CD99L2: variants seen among roughly 807,000 people sequenced by gnomAD.
CD99L2 encodes the protein CD99 antigen-like protein 2.
Under a neutral mutation model 27.3 loss-of-function variants are expected in CD99L2, and 24 were observed. The ratio of observed to expected loss-of-function variants is 0.88; its 90% CI spans 0.64 to 1.24. The LOEUF is 1.24. Ranked by LOEUF, CD99L2 falls within the 50% of genes most tolerant of loss-of-function variation. CD99L2 has a pLI of 0.00. For synonymous variants in CD99L2, 97 were observed against 87.9 expected, an observed-to-expected ratio of 1.10 and a Z score of -0.58; for missense variants, 255 against 221.6, an observed-to-expected ratio of 1.15 and a Z score of -0.96.
At position 150,802,880 on chromosome X, in the gene CD99L2, C is replaced by CTTTTTT. The variant is rs34693200; in HGVS notation, c.278-7400_278-7395dup. Among the ~76,000 whole-genome samples, 2 of 20,824 alleles carry CTTTTTT rather than the reference C, an allele frequency of 9.6e-5. 1 individual carries two copies. The highest frequency in any genetic ancestry group is 3.0e-4 in the African/African-American group (2 of 6,671). The allele number at this position is 20,824 out of a possible 115,157, so 18.1% of individuals were successfully genotyped here. On this transcript the variant is annotated intron_variant, in intron 4 of 10. Transcript: ENST00000370377. ...ACAGGCGGGAGCCACCGTGCCCAGC[C>CTTTTTT]TTTTTTTTTTTTTTTTTTTTTTTTT...
In CD99L2 at chrX:150,767,017, C is replaced by T. The variant is rs782353700; in HGVS notation, c.*2017G>A. On this transcript the variant is annotated 3_prime_UTR_variant, in exon 11 of 11. Transcript: ENST00000370377. ...CTCACAGACAGCACATATTCTACGT[C>T]ACAGCTCTAGGGTTTCAAGGACTTA... 1.8e-5 allele frequency: 2 copies of T among 111,875 alleles called. No individual in the cohort carries two copies. The highest frequency in any genetic ancestry group is 3.8e-4 in the South Asian group (1 of 2,632). 9.2% of individuals were successfully genotyped at this position (111,875 alleles called of 1,213,427 possible). A position where few individuals can be genotyped will look rare whatever the true frequency, so the allele number is the denominator to read the frequency against.
chrX:150,829,520 T>C, intron 2 of CD99L2: 1 of 330,792 alleles, frequency 3.0e-6, no homozygotes, highest in Non-Finnish European at 5.9e-6. Flanking sequence ...AACACCTTGA[T>C]ATAGAACTTC....
intron 1 of CD99L2, among the ~76,000 whole-genome samples, chrX:150,862,268 T>C (rs782380614): frequency 8.9e-6 from 1 of 112,055 alleles, no homozygotes; most frequent in South Asian, 3.7e-4. Context: ...CTTGTCACTT[T>C]ATGTGGCAAA....
At position 150,889,471 on chromosome X, in the gene CD99L2, A is replaced by G. The variant is rs184710185; in HGVS notation, c.67+9051T>C. ...CCAGGCTAGTTGAAGCAGCAATAAAAAAAAAAAAACAAAAGTAGAAGGTCA... is the reference window on the plus strand; with the variant it reads ...CCAGGCTAGTTGAAGCAGCAATAAAGAAAAAAAAACAAAAGTAGAAGGTCA... On this transcript the variant is annotated intron_variant, in intron 1 of 10. Coordinates refer to ENST00000370377, the MANE Select transcript of CD99L2 (RefSeq NM_031462.4). Among the ~76,000 whole-genome samples, 811 of 112,305 alleles carry G rather than the reference A, an allele frequency of 7.2e-3. 6 individuals are homozygous for G. Among genetic ancestry groups the G allele is most frequent in the African/African-American group, 0.024 (746 of 30,829 alleles).
intron 2 of CD99L2, among the ~76,000 whole-genome samples, chrX:150,823,776 C>T (rs1326198543): frequency 9.1e-6 from 1 of 109,890 alleles, no homozygotes; most frequent in Admixed American, 9.7e-5. Context: ...CTCTCTTTCC[C>T]TTCTTATAAA....
At chrX:150,811,652 C>T (rs1288271391) in intron 4 of CD99L2, among the ~76,000 whole-genome samples, 1 of 111,523 alleles carries the variant, frequency 9.0e-6, no homozygotes, top group Non-Finnish European at 1.9e-5. Flanking sequence ...AAATCCTCAA[C>T]AAAATATAAG....
intron 4 of CD99L2, among the ~76,000 whole-genome samples, chrX:150,813,473 A>G (rs1264644395): frequency 2.7e-5 from 3 of 112,029 alleles, no homozygotes; most frequent in Non-Finnish European, 3.8e-5. Flanking sequence ...ATTTTGTCAA[A>G]AAAGTTTTGA....
chrX:150,790,395 G>C (rs1466759193), intron 7 of CD99L2, among the ~76,000 whole-genome samples: 1 of 110,161 alleles, frequency 9.1e-6, no homozygotes, highest in African/African-American at 3.3e-5. Flanking sequence ...GTGGGTGGGG[G>C]ACTCCCAGGA....
chrX:150,817,754 C>G (rs1557420569), intron 2 of CD99L2, among the ~76,000 whole-genome samples: 1 of 111,347 alleles, frequency 9.0e-6, no homozygotes, highest in African/African-American at 3.3e-5. Flanking sequence ...TTGGGAATAT[C>G]AGGGAGGAGA....
At chrX:150,770,869 C>A (rs17319104) in intron 9 of CD99L2, among the ~76,000 whole-genome samples, 7,674 of 112,555 alleles carry the variant, frequency 0.068, 227 homozygotes, top group Middle Eastern at 0.13. Flanking sequence ...AACACCCGCG[C>A]GGAGGCCAAC....
In CD99L2 at chrX:150,776,206, T is replaced by C. The variant is rs782199016; in HGVS notation, c.623A>G (p.Tyr208Cys). ...GCTGAAGCAGAACTTCTTCTGCTGG[T>C]AGGAGATGTAGCTGGAGACGGCACC... The part of the protein sequence containing the change: ...LIGAVSSYIS[Y>C]QQKKFCFSIQ... The change falls in exon 9 of 11, where the codon TAC becomes TGC. Residue 208 changes from tyrosine (Y) to cysteine (C), a missense_variant. By Grantham distance (194) the Tyr-to-Cys change is radical. Transcript: ENST00000370377. The C allele has an allele frequency of 8.3e-7, 1 of 1,210,900 alleles. No individual in the cohort carries two copies. The highest frequency in any genetic ancestry group is 2.2e-5 in the Admixed American group (1 of 46,016).
chrX:150,799,578 A>C (rs951929570), intron 4 of CD99L2, among the ~76,000 whole-genome samples: 2 of 111,487 alleles, frequency 1.8e-5, no homozygotes, highest in Admixed American at 9.5e-5. Flanking sequence ...TTGAATAGAC[A>C]TATCTTCAAA....
intron 1 of CD99L2, among the ~76,000 whole-genome samples, chrX:150,893,038 C>T (rs1174854064): frequency 3.6e-5 from 4 of 111,530 alleles, no homozygotes; most frequent in African/African-American, 1.3e-4. Context: ...GCAGGAGAAT[C>T]GCTTGAACCT....
intron 4 of CD99L2, among the ~76,000 whole-genome samples, chrX:150,802,941 G>A (rs1219465222): frequency 1.3e-5 from 1 of 79,565 alleles, no homozygotes; most frequent in Admixed American, 1.8e-4. Context: ...TGTCGCCCAG[G>A]CTGGAGTGCA....
intron 1 of CD99L2, among the ~76,000 whole-genome samples, chrX:150,857,010 G>A (rs1603306942): frequency 9.0e-6 from 1 of 110,718 alleles, no homozygotes; most frequent in East Asian, 2.8e-4. Context: ...AGCTCAAACA[G>A]AAGAAAGAAT....
chrX:150,861,626 G>A (rs111851565), intron 1 of CD99L2, among the ~76,000 whole-genome samples: 1,734 of 111,612 alleles, frequency 0.016, 40 homozygotes, highest in African/African-American at 0.053. Flanking sequence ...CACCTAGCTG[G>A]GCGCAGTGGC....
At chrX:150,887,573 A>T (rs1334315298) in intron 1 of CD99L2, among the ~76,000 whole-genome samples, 4 of 108,020 alleles carry the variant, frequency 3.7e-5, no homozygotes, top group Non-Finnish European at 5.8e-5. Context: ...TTGAGGGTTA[A>T]TCCAAACTCC....
At chrX:150,808,004 C>T (rs1290786404) in intron 4 of CD99L2, among the ~76,000 whole-genome samples, 1 of 112,719 alleles carries the variant, frequency 8.9e-6, no homozygotes, top group Non-Finnish European at 1.9e-5. Flanking sequence ...CGTATACCTA[C>T]AGGGAAAATG....
intron 1 of CD99L2, among the ~76,000 whole-genome samples, chrX:150,861,892 C>T (rs1331160600): frequency 2.0e-5 from 2 of 98,095 alleles, no homozygotes; most frequent in African/African-American, 7.6e-5. Context: ...GGCAACAGAG[C>T]GAGACTCTTT....
Sources: allele counts gnomAD v4.1 joint callset (sites outside exome capture counted in the v4.1 genomes callset), GRCh38; gene constraint gnomAD v4.1.1; transcripts MANE v1.5; gene names NCBI Gene and HGNC (gene_info 2026-07-23, HGNC 2026-07-21).